Variants in STAG1 observed in about 807,000 individuals in gnomAD.
The protein encoded by STAG1 is STAG1 cohesin complex component.
STAG1 carries 26 observed loss-of-function variants against 170.9 expected under a neutral mutation model. The ratio of observed to expected loss-of-function variants is 0.15; its 90% CI spans 0.11 to 0.21. STAG1 has a LOEUF of 0.21. Among genes scored for constraint, STAG1 ranks in the 10% least tolerant of loss-of-function variants. STAG1 has a pLI of 1.00. For synonymous variants in STAG1, 514 were observed against 497.7 expected (o/e 1.03, Z -0.44); for missense variants, 964 against 1,509.5 (o/e 0.64, Z 5.99).
At chr3:136,593,176 T>C (rs917754140) in intron 4 of STAG1, among the ~76,000 whole-genome samples, 2 of 152,198 alleles carry the variant, frequency 1.3e-5, no homozygotes, top group Non-Finnish European at 2.9e-5. Flanking sequence ...CACTCGCGCA[T>C]GTTTTTTCAG....
intron 21 of STAG1, among the ~76,000 whole-genome samples, chr3:136,403,751 A>C (rs554411375): frequency 1.2e-4 from 18 of 152,262 alleles, no homozygotes; most frequent in African/African-American, 4.1e-4. Flanking sequence ...CTACACTATA[A>C]ATATTTCAGG....
At chr3:136,717,131 A>C (rs1426338574) in intron 1 of STAG1, among the ~76,000 whole-genome samples, 4 of 152,226 alleles carry the variant, frequency 2.6e-5, no homozygotes, top group Admixed American at 2.6e-4. Context: ...TAAAACCACA[A>C]GGTATTGTTA....
intron 28 of STAG1, among the ~76,000 whole-genome samples, chr3:136,353,813 G>A (rs549433729): frequency 1.2e-4 from 19 of 152,290 alleles, no homozygotes; most frequent in African/African-American, 4.6e-4. Context: ...GCCAGTAAAG[G>A]TAATTTGTAG....
intron 28 of STAG1, among the ~76,000 whole-genome samples, chr3:136,356,329 T>C (rs1355851905): frequency 6.6e-6 from 1 of 152,242 alleles, no homozygotes; most frequent in African/African-American, 2.4e-5. Flanking sequence ...TATAGTCATA[T>C]AAGTATTAAC....
At chr3:136,509,336 C>T (rs547185124) in intron 7 of STAG1, among the ~76,000 whole-genome samples, 20 of 151,544 alleles carry the variant, frequency 1.3e-4, no homozygotes, top group Non-Finnish European at 1.5e-4. Flanking sequence ...GTGGAAATAA[C>T]CCTGGAGTAT....
At chr3:136,665,403 A>G (rs1316255450) in intron 1 of STAG1, among the ~76,000 whole-genome samples, 1 of 152,176 alleles carries the variant, frequency 6.6e-6, no homozygotes, top group Non-Finnish European at 1.5e-5. Flanking sequence ...ACTGTACTAC[A>G]TAGCGTTAGG....
chr3:136,510,233 C>T (rs1032572384), intron 7 of STAG1, among the ~76,000 whole-genome samples: 4 of 152,180 alleles, frequency 2.6e-5, no homozygotes, highest in Admixed American at 2.6e-4. Context: ...GTGGAGGTAA[C>T]TGGGATCATG....
chr3:136,419,918 TA>T (rs2087901614), intron 20 of STAG1, among the ~76,000 whole-genome samples: 1 of 152,072 alleles, frequency 6.6e-6, no homozygotes, highest in Non-Finnish European at 1.5e-5. Context: ...AAGTGATAGC[TA>T]AATCATTACA....
Position 136,421,155 on chromosome 3 carries a change from T to C in STAG1, c.2046A>G (p.Glu682=). ...CATTGTAAATGTCATCATCATCAGC[T>C]TCTTCTCCCTATAAAAAAAGGAAAC... ...SVEDLLQEGE[E]ADDDDIYNVL... The change falls in exon 20 of 34, where the codon GAA becomes GAG. Residue 682 remains glutamate, a synonymous_variant. Coordinates refer to ENST00000383202, the MANE Select transcript of STAG1 (RefSeq NM_005862.3). 1 of 1,605,436 alleles carries C rather than the reference T, an allele frequency of 6.2e-7. No individual in the cohort carries two copies. The highest frequency in any genetic ancestry group is 8.5e-7 in the Non-Finnish European group (1 of 1,175,622).
intron 16 of STAG1, among the ~76,000 whole-genome samples, chr3:136,429,358 G>C (rs893138220): frequency 6.6e-6 from 1 of 152,136 alleles, no homozygotes; most frequent in African/African-American, 2.4e-5. Flanking sequence ...AGTGAGCCCA[G>C]ATCACGCCAC....
intron 6 of STAG1, among the ~76,000 whole-genome samples, chr3:136,528,866 G>A (rs1250401833): frequency 6.6e-6 from 1 of 151,806 alleles, no homozygotes; most frequent in Non-Finnish European, 1.5e-5. Flanking sequence ...GGAGGCAGAG[G>A]TTGCAGTGAG....
intron 12 of STAG1, 33 bp from the exon 13 acceptor site, chr3:136,465,021 A>G (rs1255939112): frequency 6.7e-7 from 1 of 1,492,112 alleles, no homozygotes; most frequent in Non-Finnish European, 9.2e-7. Context: ...TCTGATCTAA[A>G]GCAAATGTTT....
intron 4 of STAG1, among the ~76,000 whole-genome samples, chr3:136,593,648 T>C (rs902676140): frequency 1.3e-5 from 2 of 152,192 alleles, no homozygotes; most frequent in African/African-American, 4.8e-5. Context: ...ATGAGAGAAA[T>C]AAACATCTAT....
intron 13 of STAG1, among the ~76,000 whole-genome samples, chr3:136,462,592 T>G (rs2089305436): frequency 1.3e-5 from 2 of 152,172 alleles, no homozygotes; most frequent in African/African-American, 4.8e-5. Context: ...TAAGTTTTAG[T>G]GTTTGATACC....
rs746008754 is a variant in STAG1, at chr3:136,338,467, GTTTC to G, written c.3673-21_3673-18del. The G allele has an allele frequency of 6.2e-7, 1 of 1,603,708 alleles. No homozygotes were observed. The highest frequency in any genetic ancestry group is 2.2e-5 in the East Asian group (1 of 44,780). ...TGATGGAGGCTGGAAAGAGAAATCGGTTTCTTAATTTTTTTCTGAGATCATTAAG... is the reference window on the plus strand; with the variant it reads ...TGATGGAGGCTGGAAAGAGAAATCGGTTAATTTTTTTCTGAGATCATTAAG... On this transcript the variant is annotated intron_variant, in intron 32 of 33. Coordinates refer to ENST00000383202, the MANE Select transcript of STAG1 (RefSeq NM_005862.3).
In STAG1 at chr3:136,341,109, G is replaced by A. The variant is rs183096201; in HGVS notation, c.3557+332C>T. On this transcript the variant is annotated intron_variant, in intron 31 of 33. Coordinates refer to ENST00000383202, the MANE Select transcript of STAG1 (RefSeq NM_005862.3). ...ATTTTTAGTAGAGACGGGGTTTCACGATGTTGGCCAGGCTGGTCTTGAACT... is the reference window on the plus strand; with the variant it reads ...ATTTTTAGTAGAGACGGGGTTTCACAATGTTGGCCAGGCTGGTCTTGAACT... 2.2e-3 allele frequency among the ~76,000 whole-genome samples: 338 copies of A among 152,042 alleles called. 2 individuals carry two copies. The highest frequency in any genetic ancestry group is 7.8e-3 in the African/African-American group (325 of 41,506).
intron 14 of STAG1, among the ~76,000 whole-genome samples, chr3:136,445,234 T>C (rs906933241): frequency 6.6e-6 from 1 of 152,092 alleles, no homozygotes; most frequent in South Asian, 2.1e-4. Context: ...GTAAATAATA[T>C]AGGCAAAGGT....
chr3:136,627,393 G>C lies in STAG1; in HGVS notation c.29+3477C>G, dbSNP rs376325326. 4.6e-5 allele frequency among the ~76,000 whole-genome samples: 7 copies of C among 152,178 alleles called. 1 individual carries two copies. In the East Asian group the frequency reaches 9.6e-4, roughly 21 times the overall value. ...CGCTGCCATAAATATTTAGGCTTTT[G>C]CATCTCTCTGTCTCTCTCTCTCAAA... On this transcript the variant is annotated intron_variant, in intron 2 of 33. Transcript: ENST00000383202.
intron 1 of STAG1, among the ~76,000 whole-genome samples, chr3:136,751,812 G>T (rs933206608): frequency 6.6e-6 from 1 of 151,136 alleles, no homozygotes; most frequent in Non-Finnish European, 1.5e-5. Flanking sequence ...CCCGGGCGGG[G>T]GGGGGCGGAG....
Sources: allele counts gnomAD v4.1 joint callset (sites outside exome capture counted in the v4.1 genomes callset), GRCh38; gene constraint gnomAD v4.1.1; transcripts MANE v1.5; gene names NCBI Gene and HGNC (gene_info 2026-07-23, HGNC 2026-07-21).